ATF7: variants seen among roughly 807,000 people sequenced by gnomAD.
The protein encoded by ATF7 is activating transcription factor 7, also known as cyclic AMP-dependent transcription factor ATF-7.
ATF7 carries 10 observed loss-of-function variants against 50.4 expected under a neutral mutation model. That is an observed-to-expected ratio of 0.20 (90% CI 0.12 to 0.34). The LOEUF is 0.34. Among genes scored for constraint, ATF7 ranks in the 10% least tolerant of loss-of-function variants. ATF7 has a pLI of 1.00. For missense variants in ATF7, 465 were observed against 613.9 expected, an observed-to-expected ratio of 0.76 and a Z score of 2.56; for synonymous variants, 201 against 226.4, an observed-to-expected ratio of 0.89 and a Z score of 1.01.
At chr12:53,585,123 T>C (rs1213761630) in intron 2 of ATF7, among the ~76,000 whole-genome samples, 3 of 152,000 alleles carry the variant, frequency 2.0e-5, no homozygotes, top group African/African-American at 7.3e-5. Flanking sequence ...CAGGTGCACA[T>C]TACCACACCT....
intron 1 of ATF7, among the ~76,000 whole-genome samples, chr12:53,611,887 T>G (rs759322298): frequency 7.2e-5 from 11 of 151,808 alleles, no homozygotes; most frequent in Non-Finnish European, 1.6e-4. Flanking sequence ...AGCCACCACT[T>G]TCAGCCAGTT....
downstream of ATF7, among the ~76,000 whole-genome samples, chr12:53,511,473 C>T (rs545975803): frequency 1.5e-3 from 232 of 152,336 alleles, 3 homozygotes; most frequent in African/African-American, 5.1e-3. Context: ...TGGTCTCAAA[C>T]TCCTGACCTC....
intron 2 of ATF7, among the ~76,000 whole-genome samples, chr12:53,587,843 ATTT>A (rs201692852): frequency 0.061 from 3,771 of 61,558 alleles, 116 homozygotes; most frequent in African/African-American, 0.1. Context: ...ATATATATAT[ATTT>A]TTTTTTTTTT....
chr12:53,581,368 A>G (rs555445409), intron 2 of ATF7, among the ~76,000 whole-genome samples: 58 of 152,172 alleles, frequency 3.8e-4, no homozygotes, highest in African/African-American at 1.4e-3. Context: ...ACATCTATAG[A>G]TTAATTCATC....
intron 1 of ATF7, among the ~76,000 whole-genome samples, chr12:53,613,630 C>G (rs1230214298): frequency 6.6e-6 from 1 of 151,976 alleles, no homozygotes; most frequent in Non-Finnish European, 1.5e-5. Context: ...AAGTGATCCT[C>G]CTACCTAAGC....
chr12:53,601,081 A>G (rs1943382894), intron 1 of ATF7, 60 bp from the exon 2 acceptor site: 4 of 1,273,880 alleles, frequency 3.1e-6, no homozygotes, highest in Admixed American at 2.5e-5. Flanking sequence ...AAAAAAAAAA[A>G]AAAGTGCTTC....
intron 2 of ATF7, among the ~76,000 whole-genome samples, chr12:53,586,910 T>C (rs960935723): frequency 6.6e-6 from 1 of 152,210 alleles, no homozygotes; most frequent in African/African-American, 2.4e-5. Context: ...ATCATTTTGG[T>C]CAGTTACAAC....
chr12:53,546,061 G>A (rs1258251647), intron 3 of ATF7, among the ~76,000 whole-genome samples: 4 of 152,042 alleles, frequency 2.6e-5, no homozygotes, highest in African/African-American at 9.7e-5. Flanking sequence ...GCATGGTGGC[G>A]CATGCCTGTA....
chr12:53,555,589 C>T (rs1450659905), intron 2 of ATF7, among the ~76,000 whole-genome samples: 1 of 146,012 alleles, frequency 6.8e-6, no homozygotes, highest in South Asian at 2.2e-4. Flanking sequence ...CAGCTCACTG[C>T]AACCTCCATC....
At chr12:53,620,270 A>G (rs1593011400) in intron 1 of ATF7, among the ~76,000 whole-genome samples, 1 of 151,098 alleles carries the variant, frequency 6.6e-6, no homozygotes, top group Non-Finnish European at 1.5e-5. Flanking sequence ...GAAAACCCAT[A>G]TCTACTAAAA....
intron 7 of ATF7, 32 bp downstream of exon 7, chr12:53,533,128 G>T (rs752443243): frequency 6.5e-7 from 1 of 1,537,766 alleles, no homozygotes; most frequent in Middle Eastern, 1.8e-4. Flanking sequence ...TACCATGTTG[G>T]TAGGGTTGGC....
At chr12:53,562,451 C>T (rs1565955645) in intron 2 of ATF7, among the ~76,000 whole-genome samples, 1 of 151,956 alleles carries the variant, frequency 6.6e-6, no homozygotes, top group Admixed American at 6.6e-5. Flanking sequence ...ACCAGCCTGG[C>T]CAACATGGTG....
At chr12:53,519,813 T>A (rs1236105095) in intron 11 of ATF7, among the ~76,000 whole-genome samples, 2 of 152,064 alleles carry the variant, frequency 1.3e-5, no homozygotes, top group Non-Finnish European at 2.9e-5. Context: ...GTGGCACTAT[T>A]TTGGCTCACT....
chr12:53,549,766 A>G (rs1241606240), intron 3 of ATF7, among the ~76,000 whole-genome samples: 1 of 151,936 alleles, frequency 6.6e-6, no homozygotes, highest in Non-Finnish European at 1.5e-5. Flanking sequence ...TTGTATTTTT[A>G]GTAGAGACGG....
rs1360368616 is a variant in ATF7 at position 53,532,605 on chromosome 12, T to G, written c.679A>C (p.Met227Leu). ...SVISLARPVS[M>L]VPNIPGIPGP... ...GGGATACCAGGAATGTTGGGCACCATGGACACAGGTCTGGCCAGCTGGATC... is the reference window on the plus strand; with the variant it reads ...GGGATACCAGGAATGTTGGGCACCAGGGACACAGGTCTGGCCAGCTGGATC... Residue 227 changes from methionine (M) to leucine (L), a missense_variant, in exon 8 of 12, where the codon ATG (methionine) becomes CTG (leucine). Physicochemically the swap from Met to Leu is conservative, Grantham distance 15. Coordinates refer to ENST00000420353, the MANE Select transcript of ATF7 (RefSeq NM_006856.3). 1 of 1,602,978 alleles carries G rather than the reference T, an allele frequency of 6.2e-7. No homozygotes were observed. The highest frequency in any genetic ancestry group is 8.5e-7 in the Non-Finnish European group (1 of 1,175,752).
At chr12:53,578,920 G>C (rs970608992) in intron 2 of ATF7, among the ~76,000 whole-genome samples, 2 of 152,128 alleles carry the variant, frequency 1.3e-5, no homozygotes, top group Non-Finnish European at 2.9e-5. Context: ...AAGCATGGGA[G>C]CTTACGAAGG....
intron 11 of ATF7, 64 bp from the exon 12 acceptor site, chr12:53,517,418 A>C (rs1047918785): frequency 6.8e-6 from 10 of 1,470,520 alleles, no homozygotes; most frequent in African/African-American, 1.4e-5. Context: ...GGAAAGAGGC[A>C]GGACTACCTT....
intron 3 of ATF7, among the ~76,000 whole-genome samples, chr12:53,548,611 G>A (rs4759221): frequency 0.48 from 72,970 of 152,026 alleles, 17,660 homozygotes; most frequent in East Asian, 0.74. Context: ...GGGATTATAG[G>A]TGTCAGCCAG....
chr12:53,564,201 C>G (rs1420704217), intron 2 of ATF7, among the ~76,000 whole-genome samples: 1 of 152,140 alleles, frequency 6.6e-6, no homozygotes, highest in East Asian at 1.9e-4. Flanking sequence ...ATGGCAAAAC[C>G]CTGTCTCTAC....
Sources: gnomAD v4.1 joint callset for allele counts (sites outside exome capture counted in the v4.1 genomes callset) on GRCh38, gnomAD v4.1.1 for gene constraint, MANE v1.5 for transcripts, NCBI Gene and HGNC (gene_info 2026-07-23, HGNC 2026-07-21) for gene names.